The following GRIP2 variants were observed in gnomAD, a reference collection of about 807,000 sequenced individuals.
GRIP2 encodes glutamate receptor-interacting protein 2.
In GRIP2, 58 loss-of-function variants were observed where a neutral mutation model predicts 108.3. The ratio of observed to expected loss-of-function variants is 0.54; its 90% CI spans 0.43 to 0.67. The LOEUF (loss-of-function observed/expected upper bound fraction) is 0.67, where lower values mean the gene tolerates loss of function less well. Among genes scored for constraint, GRIP2 ranks in the 30% least tolerant of loss-of-function variants. The probability of loss-of-function intolerance (pLI) is 0.00; values close to 1 mark genes in which losing one functional copy is unlikely to be tolerated. For missense variants in GRIP2, 1,278 were observed against 1,430.6 expected, an observed-to-expected ratio of 0.89 and a Z score of 1.72; for synonymous variants, 586 against 598.2, an observed-to-expected ratio of 0.98 and a Z score of 0.30.
chr3:14,552,613 T>C (rs1695168171), intron 1 of GRIP2, among the ~76,000 whole-genome samples: 1 of 145,358 alleles, frequency 6.9e-6, no homozygotes, highest in Non-Finnish European at 1.5e-5. Context: ...AGCTTATTCT[T>C]TTCTTTCTCT....
At chr3:14,566,194 G>A in the GRIP2 span, among the ~76,000 whole-genome samples, 15 of 152,334 alleles carry the variant, frequency 9.8e-5, no homozygotes, top group African/African-American at 3.1e-4. Flanking sequence ...TGTGGGAATC[G>A]GAGTCCAGCA....
intron 21 of GRIP2, among the ~76,000 whole-genome samples, chr3:14,502,717 AAATT>A (rs1693801531): frequency 6.6e-6 from 1 of 152,208 alleles, no homozygotes; most frequent in South Asian, 2.1e-4. Context: ...GAAAGACTGA[AAATT>A]AAGGCACTAA....
chr3:14,493,366 CCT>C lies in GRIP2; in HGVS notation c.*297_*298del. On this transcript the variant is annotated 3_prime_UTR_variant, in exon 24 of 24. Coordinates refer to ENST00000621039, the MANE Select transcript of GRIP2 (RefSeq NM_001080423.4). ...ACAGAGACCTGGGACAGCCCCCAGG[CCT>C]CTCTCCTCTCGGCTGAGCAGCCTGT... The C allele has an allele frequency of 2.7e-6, 1 of 369,082 alleles. No homozygotes were observed. Among genetic ancestry groups the C allele is most frequent in the Admixed American group, 4.5e-5 (1 of 22,166 alleles). 22.9% of individuals were successfully genotyped at this position (369,082 alleles called of 1,614,324 possible).
intron 1 of GRIP2, among the ~76,000 whole-genome samples, chr3:14,538,647 T>A (rs1311868117): frequency 6.6e-6 from 1 of 152,302 alleles, no homozygotes; most frequent in East Asian, 1.9e-4. Flanking sequence ...TTCTGTGACC[T>A]GGGGAGGAGA....
At chr3:14,496,387 A>C in intron 22 of GRIP2, 30 bp downstream of exon 22, 1 of 1,564,532 alleles carries the variant, frequency 6.4e-7, no homozygotes, top group Non-Finnish European at 8.7e-7. Context: ...ACACAGGTCC[A>C]GGTCTCCTGT....
chr3:14,583,738 G>A, the GRIP2 span, among the ~76,000 whole-genome samples: 2,569 of 152,322 alleles, frequency 0.017, 88 homozygotes, highest in African/African-American at 0.059. Flanking sequence ...GCCGGGATCC[G>A]GGTGGAGTGG....
chr3:14,494,924 T>C lies in GRIP2; in HGVS notation c.2889A>G (p.Glu963=), dbSNP rs935275728. Residue 963 remains glutamate (E), a synonymous_variant, in exon 23 of 24, where the codon GAA becomes GAG. Transcript: ENST00000621039. The part of the protein sequence containing the change: ...FGFSVSDGLL[E]KGVYVHTVRP... ...GCACAGTGTGGACATAGACACCTTT[T>C]TCCAGGAGGCCATCTGAGACGCTGA... The C allele has an allele frequency of 4.3e-6, 7 of 1,613,934 alleles. No homozygotes were observed. Among genetic ancestry groups the C allele is most frequent in the Non-Finnish European group, 5.9e-6 (7 of 1,179,856 alleles).
At chr3:14,509,739 TG>T in intron 17 of GRIP2, 80 bp downstream of exon 17, 1 of 1,293,598 alleles carries the variant, frequency 7.7e-7, no homozygotes, top group Non-Finnish European at 1.0e-6. Context: ...GTCAGAATCT[TG>T]CTTGGCTTTG....
upstream of GRIP2, chr3:14,541,759 G>A: frequency 4.6e-6 from 3 of 658,038 alleles, no homozygotes; most frequent in Non-Finnish European, 7.3e-6. Context: ...CAGCAGTGAT[G>A]CCAAGGTCTC....
the GRIP2 span, among the ~76,000 whole-genome samples, chr3:14,566,427 C>G: frequency 6.6e-6 from 1 of 152,234 alleles, no homozygotes. Flanking sequence ...GATGGTAGCT[C>G]AAGAACTGCA....
the GRIP2 span, among the ~76,000 whole-genome samples, chr3:14,588,316 C>T: frequency 6.6e-6 from 1 of 152,236 alleles, no homozygotes; most frequent in Non-Finnish European, 1.5e-5. Context: ...CAGAGTCTGA[C>T]TCCTTGGGTG....
intron 1 of GRIP2, among the ~76,000 whole-genome samples, chr3:14,548,180 G>A (rs1305527632): frequency 6.6e-6 from 1 of 152,192 alleles, no homozygotes; most frequent in South Asian, 2.1e-4. Flanking sequence ...GGTGGGAAGT[G>A]GGAAGGAAAG....
intron 1 of GRIP2, among the ~76,000 whole-genome samples, chr3:14,527,447 G>T (rs1442918989): frequency 1.3e-5 from 2 of 151,224 alleles, no homozygotes; most frequent in Admixed American, 6.6e-5. Context: ...AGGGAAGAGG[G>T]AGGGAAGGAG....
intron 1 of GRIP2, among the ~76,000 whole-genome samples, chr3:14,554,447 A>G (rs1695202114): frequency 6.6e-6 from 1 of 152,090 alleles, no homozygotes; most frequent in Non-Finnish European, 1.5e-5. Flanking sequence ...AGCAGCCTCA[A>G]TGGGGGAGGG....
the GRIP2 span, chr3:14,574,530 G>A: frequency 1.3e-6 from 1 of 743,416 alleles, no homozygotes; most frequent in Non-Finnish European, 2.5e-6. Context: ...CTGCTCCGGT[G>A]CCTTCTCCCA....
At chr3:14,568,666 A>C in the GRIP2 span, among the ~76,000 whole-genome samples, 2 of 152,190 alleles carry the variant, frequency 1.3e-5, no homozygotes, top group African/African-American at 4.8e-5. Context: ...ACAGAGCAAA[A>C]CTGGGAAGGG....
the GRIP2 span, among the ~76,000 whole-genome samples, chr3:14,567,052 G>A: frequency 1.3e-5 from 2 of 152,214 alleles, no homozygotes; most frequent in East Asian, 3.9e-4. Flanking sequence ...ATGAATGAAT[G>A]AACGTCAACT....
Position 14,509,955 on chromosome 3 carries a change from TC to T in GRIP2, c.1942del (p.Glu648ArgfsTer12). ...TGTGTAACTGACGGCACCTGTGGTC[TC>T]CAGCTCATCTGCAAGCACGGGGACC... is the stretch of plus-strand genomic sequence containing the variant. Reference protein sequence around the residue: ...RKDEDNSDELETTGAVSYTVE... With the variant: ...RKDEDNSDELXTTGAVSYTVE... On this transcript the variant is annotated frameshift_variant, in exon 17 of 24. Coordinates refer to ENST00000621039, the MANE Select transcript of GRIP2 (RefSeq NM_001080423.4). LOFTEE classifies it high-confidence loss of function. The T allele has an allele frequency of 6.6e-7, 1 of 1,509,986 alleles. No individual in the cohort carries two copies. Among genetic ancestry groups the T allele is most frequent in the Non-Finnish European group, 8.9e-7 (1 of 1,123,068 alleles). 93.5% of individuals were successfully genotyped at this position (1,509,986 alleles called of 1,614,324 possible). A position where few individuals can be genotyped will look rare whatever the true frequency, so the allele number is the denominator to read the frequency against.
the GRIP2 span, among the ~76,000 whole-genome samples, chr3:14,588,715 C>T: frequency 6.6e-6 from 1 of 152,198 alleles, no homozygotes; most frequent in African/African-American, 2.4e-5. Context: ...AGGAAAGCTT[C>T]CTGGGAGAAT....
Sources: allele counts gnomAD v4.1 joint callset (sites outside exome capture counted in the v4.1 genomes callset), GRCh38; gene constraint gnomAD v4.1.1; transcripts MANE v1.5; gene names NCBI Gene and HGNC (gene_info 2026-07-23, HGNC 2026-07-21).